The following MSI2 variants were observed in gnomAD, a reference collection of about 807,000 sequenced individuals.
The protein encoded by MSI2 is RNA-binding protein Musashi homolog 2.
Under a neutral mutation model 45.6 loss-of-function variants are expected in MSI2, and 17 were observed. That is an observed-to-expected ratio of 0.37 (90% CI 0.26 to 0.56). The LOEUF (loss-of-function observed/expected upper bound fraction) is 0.56. Among genes scored for constraint, MSI2 ranks in the 20% least tolerant of loss-of-function variants. The pLI is 0.77. For missense variants in MSI2, 293 were observed against 444.2 expected (o/e 0.66, Z 3.06); for synonymous variants, 156 against 158.2 (o/e 0.99, Z 0.11).
intron 8 of MSI2, among the ~76,000 whole-genome samples, chr17:57,604,535 G>A (rs1293566533): frequency 6.6e-6 from 1 of 152,100 alleles, no homozygotes. Flanking sequence ...AAAGCAGGAG[G>A]AACCAAGAGA....
chr17:57,485,438 A>C (rs2085733828), intron 6 of MSI2, among the ~76,000 whole-genome samples: 1 of 152,226 alleles, frequency 6.6e-6, no homozygotes, highest in Non-Finnish European at 1.5e-5. Context: ...TATCTGGAAA[A>C]AAACAGACTC....
intron 6 of MSI2, among the ~76,000 whole-genome samples, chr17:57,412,304 C>A (rs985840630): frequency 8.5e-5 from 13 of 152,134 alleles, no homozygotes; most frequent in African/African-American, 3.1e-4. Flanking sequence ...TCCCAAAGTG[C>A]TGGGATTACA....
chr17:57,644,922 AAGT>A (rs1031117719), intron 10 of MSI2, among the ~76,000 whole-genome samples: 2 of 152,114 alleles, frequency 1.3e-5, no homozygotes, highest in African/African-American at 4.8e-5. Context: ...TCACCAAAAT[AAGT>A]AGCAACTGGG....
At chr17:57,585,671 C>T (rs1486856295) in intron 7 of MSI2, among the ~76,000 whole-genome samples, 2 of 152,244 alleles carry the variant, frequency 1.3e-5, no homozygotes, top group Non-Finnish European at 2.9e-5. Context: ...TTGAAACCCA[C>T]TCTTCAGTGG....
At chr17:57,541,296 C>T (rs1159009165) in intron 7 of MSI2, among the ~76,000 whole-genome samples, 4 of 152,086 alleles carry the variant, frequency 2.6e-5, no homozygotes, top group African/African-American at 9.7e-5. Flanking sequence ...CCAACTCCAG[C>T]GACACAAACC....
chr17:57,503,981 G>A lies in MSI2; in HGVS notation c.406-25695G>A, dbSNP rs150338964. 6.3e-4 allele frequency among the ~76,000 whole-genome samples: 96 copies of A among 152,228 alleles called. 1 individual carries two copies. The highest frequency in any genetic ancestry group is 2.1e-3 in the African/African-American group (88 of 41,554). ...GAACTCCTGACCTCATGATCTGCCC[G>A]CCTCAGCCTCCCAGAGTGCTGGGAT... On this transcript the variant is annotated intron_variant, in intron 6 of 13. Coordinates refer to ENST00000284073, the MANE Select transcript of MSI2 (RefSeq NM_138962.4).
intron 6 of MSI2, among the ~76,000 whole-genome samples, chr17:57,528,356 G>A (rs149759057): frequency 2.0e-5 from 3 of 152,314 alleles, no homozygotes; most frequent in African/African-American, 7.2e-5. Flanking sequence ...CTACGTGGGA[G>A]TTGAGTGTGG....
chr17:57,409,276 C>T (rs182535133), intron 6 of MSI2, among the ~76,000 whole-genome samples: 1 of 152,250 alleles, frequency 6.6e-6, no homozygotes, highest in Non-Finnish European at 1.5e-5. Context: ...TTTTCTTCTC[C>T]TCCTCTTTCT....
chr17:57,378,923 C>T (rs1285548598), intron 5 of MSI2, among the ~76,000 whole-genome samples: 1 of 152,102 alleles, frequency 6.6e-6, no homozygotes, highest in Non-Finnish European at 1.5e-5. Context: ...CGACATGGGC[C>T]CAAAATGCTA....
intron 5 of MSI2, among the ~76,000 whole-genome samples, chr17:57,377,282 G>A (rs1473126300): frequency 6.6e-6 from 1 of 152,220 alleles, no homozygotes. Context: ...AGCCAAGCCT[G>A]ACTTCCCTCA....
At chr17:57,514,523 A>C (rs2086426286) in intron 6 of MSI2, among the ~76,000 whole-genome samples, 1 of 152,236 alleles carries the variant, frequency 6.6e-6, no homozygotes, top group Non-Finnish European at 1.5e-5. Context: ...CAAACAGATG[A>C]AAACATGGCA....
At chr17:57,555,408 G>C (rs143446791) in intron 7 of MSI2, among the ~76,000 whole-genome samples, 8 of 152,314 alleles carry the variant, frequency 5.3e-5, no homozygotes, top group African/African-American at 1.7e-4. Context: ...CCTCAGTGTG[G>C]CCTCCAGGGT....
At chr17:57,687,010 C>CA (rs1913897838), downstream of MSI2, among the ~76,000 whole-genome samples, 1 of 148,302 alleles carries the variant, frequency 6.7e-6, no homozygotes, top group Middle Eastern at 3.2e-3. Context: ...CAGCAGCCCC[C>CA]CCCCCAAAAA....
intron 8 of MSI2, chr17:57,608,421 A>G (rs1906875693): frequency 6.6e-6 from 1 of 152,474 alleles, no homozygotes; most frequent in South Asian, 2.1e-4. Context: ...GGAGCTGCAC[A>G]TGGAGGGCAG....
At chr17:57,605,860 T>A (rs1386012591) in intron 8 of MSI2, among the ~76,000 whole-genome samples, 1 of 152,258 alleles carries the variant, frequency 6.6e-6, no homozygotes, top group Non-Finnish European at 1.5e-5. Flanking sequence ...GCAGGGCCTC[T>A]GGCCCAGCCC....
intron 6 of MSI2, among the ~76,000 whole-genome samples, chr17:57,510,386 G>A (rs1399731080): frequency 1.4e-5 from 2 of 146,106 alleles, no homozygotes; most frequent in South Asian, 2.2e-4. Context: ...CCTAAATAAT[G>A]TTGCACTCCT....
At chr17:57,374,294 G>A (rs991548406) in intron 5 of MSI2, among the ~76,000 whole-genome samples, 2 of 152,212 alleles carry the variant, frequency 1.3e-5, no homozygotes, top group African/African-American at 2.4e-5. Flanking sequence ...TATACTTAAT[G>A]TGACTGAAAT....
chr17:57,399,200 G>A (rs2083943311), intron 5 of MSI2, among the ~76,000 whole-genome samples: 1 of 152,226 alleles, frequency 6.6e-6, no homozygotes, highest in Non-Finnish European at 1.5e-5. Context: ...TCAGTGCTGT[G>A]CACAGTGGTG....
At chr17:57,292,311 T>TGATATTTTAGAG (rs372265853) in intron 5 of MSI2, among the ~76,000 whole-genome samples, 289 of 152,224 alleles carry the variant, frequency 1.9e-3, no homozygotes, top group African/African-American at 6.7e-3. Flanking sequence ...ATCATCACAT[T>TGATATTTTAGAG]GATATTTTAG....
Sources: allele counts gnomAD v4.1 joint callset (sites outside exome capture counted in the v4.1 genomes callset), GRCh38; gene constraint gnomAD v4.1.1; transcripts MANE v1.5; gene names NCBI Gene and HGNC (gene_info 2026-07-23, HGNC 2026-07-21).